Variants in PLCXD3 observed in about 807,000 individuals in gnomAD.
The protein encoded by PLCXD3 is PI-PLC X domain-containing protein 3.
In PLCXD3, 19 loss-of-function variants were observed where a neutral mutation model predicts 25.5. The observed-to-expected ratio is 0.75, with a 90% CI of 0.52 to 1.09. PLCXD3 has a LOEUF of 1.09. Among genes scored for constraint, PLCXD3 ranks in the 50% least tolerant of loss-of-function variants. The pLI is 0.00. For missense variants in PLCXD3, 411 were observed against 388.1 expected (o/e 1.06, Z -0.50); for synonymous variants, 174 against 137.6 (o/e 1.26, Z -1.85).
At position 41,412,604 on chromosome 5, in the gene PLCXD3, A is replaced by G. The variant is rs550470947; in HGVS notation, c.104-30070T>C. Among the ~76,000 whole-genome samples, 7 of 152,294 alleles carry G rather than the reference A, an allele frequency of 4.6e-5. 1 individual carries two copies. Among genetic ancestry groups the G allele is most frequent in the Non-Finnish European group, 7.4e-5 (5 of 68,008 alleles). ...CACTCGCCCTTGATAATGACCTTCT[A>G]ATCACATACTGTTTTCAGTCTGCAC... On this transcript the variant is annotated intron_variant, in intron 1 of 2. Coordinates refer to ENST00000377801, the MANE Select transcript of PLCXD3 (RefSeq NM_001005473.3).
At chr5:41,488,021 C>T (rs1336094808) in intron 1 of PLCXD3, among the ~76,000 whole-genome samples, 2 of 149,618 alleles carry the variant, frequency 1.3e-5, no homozygotes, top group East Asian at 3.9e-4. Flanking sequence ...CACCCATTAA[C>T]TCGTCATTTA....
At chr5:41,322,698 T>G (rs932926830) in intron 2 of PLCXD3, among the ~76,000 whole-genome samples, 2 of 152,148 alleles carry the variant, frequency 1.3e-5, no homozygotes, top group Admixed American at 1.3e-4. Context: ...AAAATGTGGC[T>G]GGGCGTGGTG....
At chr5:41,483,966 A>G (rs1421449689) in intron 1 of PLCXD3, among the ~76,000 whole-genome samples, 1 of 152,072 alleles carries the variant, frequency 6.6e-6, no homozygotes, top group East Asian at 1.9e-4. Flanking sequence ...AAGGCTCCAA[A>G]TGCATTAATG....
chr5:41,356,623 T>G (rs187540196), intron 2 of PLCXD3, among the ~76,000 whole-genome samples: 10 of 152,352 alleles, frequency 6.6e-5, no homozygotes, highest in Non-Finnish European at 1.2e-4. Context: ...AAACGGCCCC[T>G]TATTTTAATC....
chr5:41,496,255 A>C (rs1748834981), intron 1 of PLCXD3, among the ~76,000 whole-genome samples: 1 of 152,110 alleles, frequency 6.6e-6, no homozygotes, highest in African/African-American at 2.4e-5. Context: ...CACATTATGA[A>C]ATTTTAAAGA....
rs1184177542 is a variant in PLCXD3 at position 41,324,216 on chromosome 5, G to A, written c.813-10446C>T. 2.0e-5 allele frequency among the ~76,000 whole-genome samples: 3 copies of A among 152,150 alleles called. No individual in the cohort carries two copies. In the East Asian group the frequency reaches 5.8e-4, roughly 29 times the overall value. ...TATAGTGTCATGAAAATCAAGAAAA[G>A]AAGGAAGCCATGCTCCTTTTGGAAA... On this transcript the variant is annotated intron_variant, in intron 2 of 2. Coordinates refer to ENST00000377801, the MANE Select transcript of PLCXD3 (RefSeq NM_001005473.3).
At chr5:41,458,402 G>T (rs980820196) in intron 1 of PLCXD3, among the ~76,000 whole-genome samples, 1 of 151,920 alleles carries the variant, frequency 6.6e-6, no homozygotes, top group Non-Finnish European at 1.5e-5. Context: ...AGATAGAAGG[G>T]ATGGAGAAAT....
chr5:41,335,745 A>C (rs1273540476), intron 2 of PLCXD3, among the ~76,000 whole-genome samples: 2 of 152,122 alleles, frequency 1.3e-5, no homozygotes, highest in Non-Finnish European at 2.9e-5. Context: ...GGGTGGATAC[A>C]GGGATGAATC....
At chr5:41,462,466 C>T (rs1333497459) in intron 1 of PLCXD3, among the ~76,000 whole-genome samples, 1 of 151,898 alleles carries the variant, frequency 6.6e-6, no homozygotes, top group Non-Finnish European at 1.5e-5. Context: ...GACTTATTTT[C>T]ATATAAGTAT....
chr5:41,313,445 A>G lies in PLCXD3; in HGVS notation c.*172T>C. 1 of 601,702 alleles carries G rather than the reference A, an allele frequency of 1.7e-6. No homozygotes were observed. Among genetic ancestry groups the G allele is most frequent in the Non-Finnish European group, 2.8e-6 (1 of 362,048 alleles). 37.3% of individuals were successfully genotyped at this position (601,702 alleles called of 1,614,324 possible). A position where few individuals can be genotyped will look rare whatever the true frequency, so the allele number is the denominator to read the frequency against. ...GGGAAATGAAATATTTATAGTAATG[A>G]AGAGTATGATTGTAATCACTGAAGA... On this transcript the variant is annotated 3_prime_UTR_variant, in exon 3 of 3. Coordinates refer to ENST00000377801, the MANE Select transcript of PLCXD3 (RefSeq NM_001005473.3).
intron 1 of PLCXD3, among the ~76,000 whole-genome samples, chr5:41,463,960 A>T (rs982640919): frequency 6.6e-6 from 1 of 151,938 alleles, no homozygotes; most frequent in African/African-American, 2.4e-5. Flanking sequence ...TTTAATGTAA[A>T]TATTATATTA....
At chr5:41,409,074 CCTT>C (rs1192042201) in intron 1 of PLCXD3, among the ~76,000 whole-genome samples, 1 of 152,126 alleles carries the variant, frequency 6.6e-6, no homozygotes, top group Non-Finnish European at 1.5e-5. Flanking sequence ...CATTATTTTG[CCTT>C]AGCCTCCAAG....
intron 1 of PLCXD3, among the ~76,000 whole-genome samples, chr5:41,504,558 TCTGGGAGC>T (rs1749017365): frequency 6.6e-6 from 1 of 152,200 alleles, no homozygotes; most frequent in Non-Finnish European, 1.5e-5. Flanking sequence ...GTGACCAAGC[TCTGGGAGC>T]CTTTGACTCT....
At chr5:41,390,821 G>GAA (rs1410181100) in intron 1 of PLCXD3, among the ~76,000 whole-genome samples, 1 of 152,210 alleles carries the variant, frequency 6.6e-6, no homozygotes, top group Non-Finnish European at 1.5e-5. Flanking sequence ...TGAAGAGATA[G>GAA]AAAAAGCAGT....
intron 1 of PLCXD3, among the ~76,000 whole-genome samples, chr5:41,449,825 T>A (rs544732384): frequency 6.6e-6 from 1 of 152,118 alleles, no homozygotes; most frequent in African/African-American, 2.4e-5. Flanking sequence ...AAGCCATTGG[T>A]GGGCATAGGA....
chr5:41,317,080 G>T (rs2087928474), intron 2 of PLCXD3, among the ~76,000 whole-genome samples: 1 of 152,212 alleles, frequency 6.6e-6, no homozygotes, highest in African/African-American at 2.4e-5. Context: ...CTTCAGGTGT[G>T]ACCCAGCACA....
At position 41,464,834 on chromosome 5, in the gene PLCXD3, T is replaced by TAATG. The variant is rs561939084; in HGVS notation, c.103+45589_103+45590insCATT. 4.5e-3 allele frequency among the ~76,000 whole-genome samples: 678 copies of TAATG among 152,200 alleles called. 9 individuals carry two copies. Among genetic ancestry groups the TAATG allele is most frequent in the African/African-American group, 0.016 (648 of 41,564 alleles). ...TCTATCTTCCAAATCTCCTCTTTCA[T>TAATG]AGTTTTCATTTCTATATCTTTGTGT... On this transcript the variant is annotated intron_variant, in intron 1 of 2. Coordinates refer to ENST00000377801, the MANE Select transcript of PLCXD3 (RefSeq NM_001005473.3).
chr5:41,492,238 T>C (rs1174075692), intron 1 of PLCXD3, among the ~76,000 whole-genome samples: 198 of 139,492 alleles, frequency 1.4e-3, no homozygotes, highest in African/African-American at 2.0e-3. Context: ...AAAATTATTT[T>C]CTTTAAGAAT....
chr5:41,493,502 C>T (rs1343777838), intron 1 of PLCXD3, among the ~76,000 whole-genome samples: 1 of 152,206 alleles, frequency 6.6e-6, no homozygotes, highest in Non-Finnish European at 1.5e-5. Flanking sequence ...GAGGTTACTG[C>T]TGTCTTTTTG....
Sources: gnomAD v4.1 joint callset for allele counts (sites outside exome capture counted in the v4.1 genomes callset) on GRCh38, gnomAD v4.1.1 for gene constraint, MANE v1.5 for transcripts, NCBI Gene and HGNC (gene_info 2026-07-23, HGNC 2026-07-21) for gene names.